The following CNTN6 variants were observed in gnomAD, a reference collection of about 807,000 sequenced individuals.
CNTN6 encodes the protein contactin 6, also known as contactin-6.
A neutral mutation model predicts 122.8 loss-of-function variants in CNTN6; 137 were observed. The ratio of observed to expected loss-of-function variants is 1.12; its 90% CI spans 0.97 to 1.29. The LOEUF is 1.29. CNTN6 is among the 50% of genes most tolerant of loss of function. The pLI, the probability that CNTN6 is intolerant of heterozygous loss-of-function variation, is 0.00. For missense variants in CNTN6, 1,634 were observed against 1,223.4 expected (o/e 1.34, Z -5.01); for synonymous variants, 570 against 426.0 (o/e 1.34, Z -4.16).
At chr3:1,386,209 GATT>G (rs1388971218) in intron 20 of CNTN6, among the ~76,000 whole-genome samples, 2 of 151,640 alleles carry the variant, frequency 1.3e-5, no homozygotes, top group Non-Finnish European at 2.9e-5. Flanking sequence ...GATTGAAAGA[GATT>G]ATTAATAATA....
At chr3:1,348,950 A>G (rs114944281) in intron 11 of CNTN6, among the ~76,000 whole-genome samples, 2,099 of 152,134 alleles carry the variant, frequency 0.014, 56 homozygotes, top group African/African-American at 0.048. Flanking sequence ...TATAACAATG[A>G]GTTTTAATAT....
chr3:1,319,287 TATACTC>T (rs923328609), intron 7 of CNTN6, among the ~76,000 whole-genome samples: 2 of 151,696 alleles, frequency 1.3e-5, no homozygotes, highest in Admixed American at 6.6e-5. Flanking sequence ...TCCTTTGAAT[TATACTC>T]ATAGCTTCTA....
intron 7 of CNTN6, among the ~76,000 whole-genome samples, chr3:1,302,720 C>T (rs983208142): frequency 6.6e-6 from 1 of 152,028 alleles, no homozygotes. Context: ...TATTTTTTCT[C>T]TTGAGGTTGT....
chr3:1,261,156 G>T (rs759960088), intron 4 of CNTN6, among the ~76,000 whole-genome samples: 1 of 152,096 alleles, frequency 6.6e-6, no homozygotes, highest in African/African-American at 2.4e-5. Context: ...GCACATTTTA[G>T]TTACTTAATA....
At chr3:1,305,542 G>T (rs540053030) in intron 7 of CNTN6, among the ~76,000 whole-genome samples, 1 of 152,244 alleles carries the variant, frequency 6.6e-6, no homozygotes, top group South Asian at 2.1e-4. Flanking sequence ...AATGTAGTAT[G>T]ATTGACTGAT....
At chr3:1,244,555 A>G (rs1003472959) in intron 4 of CNTN6, among the ~76,000 whole-genome samples, 9 of 152,328 alleles carry the variant, frequency 5.9e-5, no homozygotes, top group African/African-American at 2.2e-4. Flanking sequence ...AGGTAGGAAC[A>G]AAGAGCAGGA....
At chr3:1,304,167 T>C (rs1467975893) in intron 7 of CNTN6, among the ~76,000 whole-genome samples, 1 of 152,192 alleles carries the variant, frequency 6.6e-6, no homozygotes, top group Non-Finnish European at 1.5e-5. Context: ...TACTCCCTGA[T>C]CTGGATGGAA....
chr3:1,303,147 T>G (rs416942), intron 7 of CNTN6, among the ~76,000 whole-genome samples: 9,023 of 152,176 alleles, frequency 0.059, 937 homozygotes, highest in African/African-American at 0.21. Flanking sequence ...TATCCATTTG[T>G]TCTTGTATGC....
At chr3:1,247,614 T>A (rs2094600313) in intron 4 of CNTN6, among the ~76,000 whole-genome samples, 1 of 152,148 alleles carries the variant, frequency 6.6e-6, no homozygotes. Context: ...GCGGTACATA[T>A]CTTTCATTGG....
intron 20 of CNTN6, among the ~76,000 whole-genome samples, chr3:1,388,011 G>A (rs900721573): frequency 1.3e-5 from 2 of 152,174 alleles, no homozygotes; most frequent in African/African-American, 4.8e-5. Flanking sequence ...GGCCAGGCTT[G>A]ATTAGGTAAA....
chr3:1,309,359 A>G (rs776202217), intron 7 of CNTN6, among the ~76,000 whole-genome samples: 16 of 152,304 alleles, frequency 1.1e-4, no homozygotes, highest in African/African-American at 3.1e-4. Context: ...TGGACTTCCA[A>G]TCGTTCCAGT....
chr3:1,139,132 T>C (rs1377419220), intron 1 of CNTN6, among the ~76,000 whole-genome samples: 3 of 152,212 alleles, frequency 2.0e-5, no homozygotes, highest in Admixed American at 6.5e-5. Flanking sequence ...CATTTGTTTA[T>C]GTCTTGAGTA....
intron 1 of CNTN6, among the ~76,000 whole-genome samples, chr3:1,098,787 C>CATATATAT (rs1241583874): frequency 0.023 from 1,249 of 55,036 alleles, 7 homozygotes; most frequent in East Asian, 0.053. Context: ...CACACACACA[C>CATATATAT]ACATATATAT....
intron 4 of CNTN6, among the ~76,000 whole-genome samples, chr3:1,255,602 T>C (rs765028776): frequency 6.6e-6 from 1 of 152,088 alleles, no homozygotes. Context: ...TTAAGAAATG[T>C]ATTATTTAAT....
chr3:1,208,908 A>T (rs1312573779), intron 2 of CNTN6, among the ~76,000 whole-genome samples: 1 of 152,186 alleles, frequency 6.6e-6, no homozygotes, highest in African/African-American at 2.4e-5. Context: ...TTGTCAGTGC[A>T]TAAAGAAGGT....
intron 7 of CNTN6, among the ~76,000 whole-genome samples, chr3:1,310,762 G>A (rs1027432253): frequency 1.7e-4 from 26 of 152,176 alleles, no homozygotes; most frequent in African/African-American, 6.3e-4. Flanking sequence ...AGGACTTTGG[G>A]AGGCTGAGGC....
chr3:1,337,158 G>A (rs1703196354), intron 11 of CNTN6, among the ~76,000 whole-genome samples: 1 of 152,122 alleles, frequency 6.6e-6, no homozygotes, highest in Admixed American at 6.6e-5. Flanking sequence ...GCTAAGTTAT[G>A]TGGACAAAGC....
intron 11 of CNTN6, among the ~76,000 whole-genome samples, chr3:1,348,991 T>C (rs1705203241): frequency 6.6e-6 from 1 of 151,992 alleles, no homozygotes; most frequent in African/African-American, 2.4e-5. Flanking sequence ...TCTAACACTT[T>C]TTATTTTCGC....
rs919117486 is a variant in CNTN6 at position 1,147,943 on chromosome 3, C to A, written c.-66C>A. 8.6e-6 allele frequency: 10 copies of A among 1,157,328 alleles called. No homozygotes were observed. The African/African-American group carries it at 1.1e-4, about 12-fold the overall frequency. 71.7% of individuals were successfully genotyped at this position (1,157,328 alleles called of 1,614,324 possible). A position where few individuals can be genotyped will look rare whatever the true frequency, so the allele number is the denominator to read the frequency against. On this transcript the variant is annotated 5_prime_UTR_variant, in exon 2 of 23. In the 5' UTR this introduces an upstream ATG that the reference lacks. Coordinates refer to ENST00000446702, the MANE Select transcript of CNTN6 (RefSeq NM_001289080.2). ...CTTTTTCAGACTCTTGAGATACTGA[C>A]TGGAAGATAGACTGTTTTGTTCCAC...
Sources: gnomAD v4.1 joint callset for allele counts (sites outside exome capture counted in the v4.1 genomes callset) on GRCh38, gnomAD v4.1.1 for gene constraint, MANE v1.5 for transcripts, NCBI Gene and HGNC (gene_info 2026-07-23, HGNC 2026-07-21) for gene names.